Variants in DNAI7 observed in about 807,000 individuals in gnomAD.
The protein encoded by DNAI7 is cancer susceptibility 1.
A neutral mutation model predicts 86.6 loss-of-function variants in DNAI7; 78 were observed. That is an observed-to-expected ratio of 0.90 (90% CI 0.75 to 1.09). The LOEUF is 1.09. DNAI7 is among the 50% of genes least tolerant of loss of function. DNAI7 has a pLI of 0.00. For missense variants in DNAI7, 753 were observed against 810.2 expected (o/e 0.93, Z 0.86); for synonymous variants, 274 against 273.0 (o/e 1.00, Z -0.04).
intron 3 of DNAI7, among the ~76,000 whole-genome samples, chr12:25,159,573 C>T (rs1946605340): frequency 6.6e-6 from 1 of 152,112 alleles, no homozygotes; most frequent in Non-Finnish European, 1.5e-5. Flanking sequence ...TAAGGTATGG[C>T]AGACCTATCA....
chr12:25,149,823 G>C, intron 6 of DNAI7, 49 bp from the exon 7 acceptor site: 3 of 1,188,358 alleles, frequency 2.5e-6, no homozygotes, highest in Non-Finnish European at 3.6e-6. Flanking sequence ...AATAGTCAAG[G>C]ACAAGTGAAA....
intron 9 of DNAI7, among the ~76,000 whole-genome samples, chr12:25,137,440 A>C (rs1328124934): frequency 1.3e-5 from 2 of 151,984 alleles, no homozygotes; most frequent in African/African-American, 2.4e-5. Flanking sequence ...TAAATCATAA[A>C]TCTCACAGGG....
At chr12:25,192,859 A>G (rs543692488) in intron 1 of DNAI7, 3 of 134,012 alleles carry the variant, frequency 2.2e-5, no homozygotes, top group Non-Finnish European at 4.8e-5. Context: ...AAAAAAAATC[A>G]TATGTTGGCT....
At chr12:25,165,688 T>C (rs1449933417) in intron 2 of DNAI7, among the ~76,000 whole-genome samples, 1 of 152,186 alleles carries the variant, frequency 6.6e-6, no homozygotes, top group African/African-American at 2.4e-5. Context: ...ACTCTCACAG[T>C]GGAGAGTAAG....
chr12:25,145,745 C>G (rs1431267939), intron 8 of DNAI7, among the ~76,000 whole-genome samples: 10 of 151,958 alleles, frequency 6.6e-5, no homozygotes, highest in African/African-American at 2.4e-4. Context: ...AATTTTTATT[C>G]TGGTAATTTT....
chr12:25,190,195 C>T lies in DNAI7; in HGVS notation c.21+419G>A, dbSNP rs190604519. On this transcript the variant is annotated intron_variant, in intron 2 of 15. Coordinates refer to ENST00000395987, the MANE Select transcript of DNAI7 (RefSeq NM_018272.5). ...TTCTAAACAGTACAAAAAAACCCACCAAGTATGTGTTACCATGCAACCCAT... is the reference window on the plus strand; with the variant it reads ...TTCTAAACAGTACAAAAAAACCCACTAAGTATGTGTTACCATGCAACCCAT... 3.4e-3 allele frequency among the ~76,000 whole-genome samples: 513 copies of T among 152,106 alleles called. 3 individuals carry two copies. The highest frequency in any genetic ancestry group is 0.02 in the Middle Eastern group (6 of 294).
At chr12:25,180,215 G>T (rs1949371621) in intron 2 of DNAI7, among the ~76,000 whole-genome samples, 1 of 152,068 alleles carries the variant, frequency 6.6e-6, no homozygotes, top group African/African-American at 2.4e-5. Context: ...AAAATATCTA[G>T]AAATATATTT....
chr12:25,121,560 C>T (rs1215251550), intron 11 of DNAI7, among the ~76,000 whole-genome samples, 193 bp downstream of exon 11: 1 of 152,084 alleles, frequency 6.6e-6, no homozygotes, highest in Non-Finnish European at 1.5e-5. Context: ...CTAGTACAAA[C>T]GTCATATTAT....
intron 2 of DNAI7, among the ~76,000 whole-genome samples, chr12:25,178,330 A>AT (rs140400939): frequency 0.055 from 8,355 of 152,044 alleles, 303 homozygotes; most frequent in South Asian, 0.13. Flanking sequence ...AAACAGTTTA[A>AT]TTTTTTTCTG....
intron 5 of DNAI7, among the ~76,000 whole-genome samples, chr12:25,154,904 T>C (rs942212639): frequency 2.6e-5 from 4 of 152,308 alleles, no homozygotes; most frequent in Admixed American, 2.6e-4. Flanking sequence ...GTACTGTACT[T>C]AGAATTTTTC....
At chr12:25,190,585 CTA>C (rs1316535650) in intron 2 of DNAI7, 27 bp downstream of exon 2, 2 of 1,133,820 alleles carry the variant, frequency 1.8e-6, no homozygotes, top group Non-Finnish European at 2.5e-6. Flanking sequence ...GATTATACAA[CTA>C]TCTATTTTGA....
At chr12:25,161,005 A>G (rs1946783363) in intron 3 of DNAI7, 108 bp downstream of exon 3, 1 of 783,432 alleles carries the variant, frequency 1.3e-6, no homozygotes, top group Non-Finnish European at 2.1e-6. Context: ...AAAACAGATT[A>G]AATTTTAAAA....
chr12:25,155,045 G>A (rs1389819275), intron 5 of DNAI7, among the ~76,000 whole-genome samples: 2 of 152,112 alleles, frequency 1.3e-5, no homozygotes, highest in South Asian at 2.1e-4. Flanking sequence ...AAGCTTTTAC[G>A]TTTTAATTTA....
intron 8 of DNAI7, among the ~76,000 whole-genome samples, chr12:25,146,606 A>AAAAAAG (rs1431389288): frequency 1.3e-5 from 2 of 151,894 alleles, no homozygotes; most frequent in Non-Finnish European, 2.9e-5. Context: ...TCTCAAAAAA[A>AAAAAAG]AAAGAAAAAG....
chr12:25,156,817 A>G (rs1344668163), intron 4 of DNAI7, among the ~76,000 whole-genome samples: 1 of 152,206 alleles, frequency 6.6e-6, no homozygotes, highest in Admixed American at 6.5e-5. Flanking sequence ...TGAATAATCA[A>G]TTACATCAAC....
chr12:25,147,133 G>T, intron 7 of DNAI7, 29 bp from the exon 8 acceptor site: 4 of 1,105,696 alleles, frequency 3.6e-6, no homozygotes, highest in Non-Finnish European at 4.1e-6. Flanking sequence ...ACATTATAAA[G>T]GGCCACAGGC....
At position 25,114,963 on chromosome 12, in the gene DNAI7, A is replaced by C. The variant is rs1939775211; in HGVS notation, c.1397-93T>G. 6.6e-6 allele frequency: 6 copies of C among 907,154 alleles called. No homozygotes were observed. In the East Asian group the frequency reaches 7.8e-5, roughly 12 times the overall value. The allele number at this position is 907,154 out of a possible 1,614,324, so 56.2% of individuals were successfully genotyped here. A position where few individuals can be genotyped will look rare whatever the true frequency, so the allele number is the denominator to read the frequency against. On this transcript the variant is annotated intron_variant, in intron 12 of 15. Coordinates refer to ENST00000395987, the MANE Select transcript of DNAI7 (RefSeq NM_018272.5). Reference sequence around the variant, plus strand: ...CACCAAAAAAATTGCTTTGTGTATAAATTGATCTTTCATATTTAGAATAGA... The same window carrying C: ...CACCAAAAAAATTGCTTTGTGTATACATTGATCTTTCATATTTAGAATAGA...
chr12:25,118,411 G>C (rs1453505243), intron 12 of DNAI7, among the ~76,000 whole-genome samples: 3 of 151,610 alleles, frequency 2.0e-5, no homozygotes, highest in Non-Finnish European at 4.4e-5. Context: ...TTACAGGTGT[G>C]TGCCACCACG....
chr12:25,133,724 G>A (rs1204578125), intron 9 of DNAI7, among the ~76,000 whole-genome samples: 2 of 152,168 alleles, frequency 1.3e-5, no homozygotes, highest in Non-Finnish European at 2.9e-5. Flanking sequence ...GTCTACACAT[G>A]TGTCTGTTGG....
Sources: allele counts gnomAD v4.1 joint callset (sites outside exome capture counted in the v4.1 genomes callset), GRCh38; gene constraint gnomAD v4.1.1; transcripts MANE v1.5; gene names NCBI Gene and HGNC (gene_info 2026-07-23, HGNC 2026-07-21).